BMPR1A: variants seen among roughly 807,000 people sequenced by gnomAD.
BMPR1A encodes the protein bone morphogenetic protein receptor type-1A.
BMPR1A carries 7 observed loss-of-function variants against 66.0 expected under a neutral mutation model. The observed-to-expected ratio is 0.11, with a 90% CI of 0.06 to 0.20. BMPR1A has a LOEUF of 0.20. BMPR1A is among the 10% of genes least tolerant of loss of function. The pLI, the probability that BMPR1A is intolerant of heterozygous loss-of-function variation, is 1.00. For missense variants in BMPR1A, 408 were observed against 669.1 expected (o/e 0.61, Z 4.31); for synonymous variants, 200 against 229.7 (o/e 0.87, Z 1.17).
chr10:86,840,502 A>G (rs1370728260), intron 2 of BMPR1A, among the ~76,000 whole-genome samples: 2 of 151,954 alleles, frequency 1.3e-5, no homozygotes, highest in African/African-American at 4.8e-5. Context: ...GACCTTCCCC[A>G]AGGTTTTATC....
At chr10:86,777,074 A>G (rs1367214862) in intron 1 of BMPR1A, among the ~76,000 whole-genome samples, 1 of 152,014 alleles carries the variant, frequency 6.6e-6, no homozygotes, top group African/African-American at 2.4e-5. Flanking sequence ...GTTCCTCACC[A>G]TACTCTCTCC....
rs1564685612 is a variant in BMPR1A at position 86,790,219 on chromosome 10, AT to A, written c.-268+33301del. Reference sequence around the variant, plus strand: ...TATATATATATATATATATATATATATATATATATATATATATCAAAACCAC... The same window carrying A: ...TATATATATATATATATATATATATAATATATATATATATATCAAAACCAC... On this transcript the variant is annotated intron_variant, in intron 1 of 12. Coordinates refer to ENST00000372037, the MANE Select transcript of BMPR1A (RefSeq NM_004329.3). Among the ~76,000 whole-genome samples the A allele has an allele frequency of 1.6e-3, 156 of 97,866 alleles. 26 individuals carry two copies. Among genetic ancestry groups the A allele is most frequent in the African/African-American group, 5.5e-3 (135 of 24,644 alleles). 64.2% of individuals were successfully genotyped at this position (97,866 alleles called of 152,430 possible). A position where few individuals can be genotyped will look rare whatever the true frequency, so the allele number is the denominator to read the frequency against.
intron 5 of BMPR1A, among the ~76,000 whole-genome samples, chr10:86,894,119 G>A (rs1247807466): frequency 6.6e-6 from 1 of 152,198 alleles, no homozygotes; most frequent in Non-Finnish European, 1.5e-5. Context: ...TATGACCAAG[G>A]AAAAAAGTAG....
intron 1 of BMPR1A, among the ~76,000 whole-genome samples, chr10:86,764,682 C>T (rs2132611961): frequency 6.6e-6 from 1 of 152,250 alleles, no homozygotes; most frequent in East Asian, 1.9e-4. Flanking sequence ...TTTTATCAGC[C>T]TAAGTCACGT....
intron 1 of BMPR1A, among the ~76,000 whole-genome samples, chr10:86,835,687 C>T (rs970433720): frequency 1.3e-5 from 2 of 148,436 alleles, no homozygotes; most frequent in African/African-American, 5.0e-5. Flanking sequence ...CATTCTGAAA[C>T]CTTATAGATA....
Position 86,819,534 on chromosome 10 carries a change from C to A in BMPR1A, c.-267-19331C>A, listed in dbSNP as rs567286278. On this transcript the variant is annotated intron_variant, in intron 1 of 12. Transcript: ENST00000372037. ...CAGGATGGTCTCGATCTCCTGACCT[C>A]GTGATCCGCCCACTTCGGCCTCCCC... 3.9e-5 allele frequency among the ~76,000 whole-genome samples: 6 copies of A among 152,154 alleles called. No homozygotes were observed. The South Asian group carries it at 1.2e-3, about 31-fold the overall frequency.
chr10:86,871,388 A>G (rs1032957709), intron 2 of BMPR1A, among the ~76,000 whole-genome samples: 1 of 152,210 alleles, frequency 6.6e-6, no homozygotes, highest in Admixed American at 6.5e-5. Context: ...TGAACAGTGT[A>G]TTCTTGGTAT....
chr10:86,774,898 AAAAG>A (rs1346774496), intron 1 of BMPR1A, among the ~76,000 whole-genome samples: 2 of 152,218 alleles, frequency 1.3e-5, no homozygotes, highest in African/African-American at 4.8e-5. Flanking sequence ...TAGTTTTAAG[AAAAG>A]AAAGAACCTT....
chr10:86,830,039 A>G (rs1842246700), intron 1 of BMPR1A, among the ~76,000 whole-genome samples: 1 of 151,876 alleles, frequency 6.6e-6, no homozygotes, highest in South Asian at 2.1e-4. Flanking sequence ...GTGGGGAGAG[A>G]GCGTGGCCTC....
chr10:86,868,252 TAC>T (rs1842808996), intron 2 of BMPR1A, among the ~76,000 whole-genome samples: 1 of 152,246 alleles, frequency 6.6e-6, no homozygotes, highest in African/African-American at 2.4e-5. Flanking sequence ...TTACCTCAGA[TAC>T]ACTCAGACAA....
chr10:86,885,190 C>T (rs1843053686), intron 3 of BMPR1A, among the ~76,000 whole-genome samples: 1 of 152,180 alleles, frequency 6.6e-6, no homozygotes, highest in South Asian at 2.1e-4. Context: ...TTGTGCTGCT[C>T]ATGAGTGAAG....
At chr10:86,787,169 A>AT (rs899192521) in intron 1 of BMPR1A, among the ~76,000 whole-genome samples, 7 of 152,198 alleles carry the variant, frequency 4.6e-5, no homozygotes, top group African/African-American at 1.7e-4. Context: ...TAATCAATGG[A>AT]TTTTTTAAAA....
At chr10:86,881,233 C>G (rs939238336) in intron 3 of BMPR1A, among the ~76,000 whole-genome samples, 1 of 152,056 alleles carries the variant, frequency 6.6e-6, no homozygotes, top group Non-Finnish European at 1.5e-5. Flanking sequence ...CAGAGCAAGA[C>G]TCTGTCTCAA....
chr10:86,809,294 TCC>T (rs1564691630), intron 1 of BMPR1A, among the ~76,000 whole-genome samples: 1 of 146,180 alleles, frequency 6.8e-6, no homozygotes, highest in African/African-American at 2.5e-5. Context: ...CAGGCCCCCC[TCC>T]CTTTTTTTTT....
intron 3 of BMPR1A, among the ~76,000 whole-genome samples, chr10:86,883,548 T>C (rs1589760289): frequency 1.9e-5 from 1 of 52,062 alleles, no homozygotes; most frequent in Non-Finnish European, 3.1e-5. Flanking sequence ...AGACTCCGTC[T>C]CAAAAAAAAA....
At chr10:86,799,310 GATA>G (rs1323745183) in intron 1 of BMPR1A, among the ~76,000 whole-genome samples, 5 of 152,164 alleles carry the variant, frequency 3.3e-5, no homozygotes, top group African/African-American at 9.7e-5. Flanking sequence ...TGTAAAATGA[GATA>G]ATAATATCAA....
chr10:86,844,700 C>T (rs1191100221), intron 2 of BMPR1A, among the ~76,000 whole-genome samples: 2 of 152,154 alleles, frequency 1.3e-5, no homozygotes, highest in Non-Finnish European at 2.9e-5. Flanking sequence ...AACTGGAAGA[C>T]ATTACATTAT....
chr10:86,799,210 AT>A (rs1841770901), intron 1 of BMPR1A, among the ~76,000 whole-genome samples: 1 of 152,194 alleles, frequency 6.6e-6, no homozygotes, highest in Non-Finnish European at 1.5e-5. Context: ...GATGATACCT[AT>A]CAAAAGGCAA....
At chr10:86,906,723 C>CAAAAA (rs929716555) in intron 7 of BMPR1A, among the ~76,000 whole-genome samples, 116 of 10,698 alleles carry the variant, frequency 0.011, 35 homozygotes, top group Non-Finnish European at 0.012. Context: ...GACTCCGTCT[C>CAAAAA]AAAAAAAAAA....
Sources: gnomAD v4.1 joint callset for allele counts (sites outside exome capture counted in the v4.1 genomes callset) on GRCh38, gnomAD v4.1.1 for gene constraint, MANE v1.5 for transcripts, NCBI Gene and HGNC (gene_info 2026-07-23, HGNC 2026-07-21) for gene names.